Variants in DLGAP1 observed in about 807,000 individuals in gnomAD.
DLGAP1 encodes disks large-associated protein 1.
Under a neutral mutation model 90.8 loss-of-function variants are expected in DLGAP1, and 11 were observed. The observed-to-expected ratio is 0.12, with a 90% confidence interval of 0.08 to 0.20. The LOEUF (loss-of-function observed/expected upper bound fraction) is 0.20, where lower values mean the gene tolerates loss of function less well. Among genes scored for constraint, DLGAP1 ranks in the 10% least tolerant of loss-of-function variants. DLGAP1 has a pLI of 1.00. For missense variants in DLGAP1, 1,050 were observed against 1,333.8 expected (o/e 0.79, Z 3.31); for synonymous variants, 558 against 540.7 (o/e 1.03, Z -0.44).
intron 2 of DLGAP1, among the ~76,000 whole-genome samples, chr18:4,052,421 C>T (rs2075147994): frequency 6.6e-6 from 1 of 152,132 alleles, no homozygotes; most frequent in Non-Finnish European, 1.5e-5. Flanking sequence ...GGGGCTTGCA[C>T]CCTCTGAAAC....
At chr18:3,976,395 C>T (rs981940418) in intron 3 of DLGAP1, among the ~76,000 whole-genome samples, 9 of 151,616 alleles carry the variant, frequency 5.9e-5, no homozygotes, top group Admixed American at 2.0e-4. Context: ...TTATGTTATA[C>T]ATATTACCAT....
intron 2 of DLGAP1, among the ~76,000 whole-genome samples, chr18:4,120,207 T>C (rs535169518): frequency 1.3e-5 from 2 of 152,362 alleles, no homozygotes; most frequent in South Asian, 4.1e-4. Context: ...CTCCTAGTTG[T>C]TCAGACATTT....
At chr18:4,081,605 C>A (rs2075609486) in intron 2 of DLGAP1, among the ~76,000 whole-genome samples, 1 of 152,174 alleles carries the variant, frequency 6.6e-6, no homozygotes, top group Non-Finnish European at 1.5e-5. Flanking sequence ...ATAGTCCAGA[C>A]CTGCCAAAGA....
At chr18:4,246,528 A>G (rs1428862030) in intron 1 of DLGAP1, among the ~76,000 whole-genome samples, 2 of 152,200 alleles carry the variant, frequency 1.3e-5, no homozygotes, top group Non-Finnish European at 2.9e-5. Context: ...CATTGCAGTG[A>G]GGAGTCAGTT....
chr18:3,928,700 G>A (rs2072448203), intron 3 of DLGAP1, among the ~76,000 whole-genome samples: 2 of 152,110 alleles, frequency 1.3e-5, no homozygotes, highest in South Asian at 2.1e-4. Flanking sequence ...AAGAAAGCTG[G>A]TAAGTCATGG....
chr18:4,114,321 T>C (rs2076025339), intron 2 of DLGAP1, among the ~76,000 whole-genome samples: 1 of 152,074 alleles, frequency 6.6e-6, no homozygotes, highest in Non-Finnish European at 1.5e-5. Context: ...TTCACCTCCT[T>C]GGTTAGCTGT....
chr18:3,693,468 T>A (rs2060970534), intron 7 of DLGAP1, among the ~76,000 whole-genome samples: 1 of 152,224 alleles, frequency 6.6e-6, no homozygotes, highest in Non-Finnish European at 1.5e-5. Flanking sequence ...AAATGCAAAA[T>A]ATTTAATTAT....
rs1447719277 is a variant in DLGAP1, at chr18:3,583,180, A to ACCTTCCTT, written c.1592-933_1592-932insAAGGAAGG. On this transcript the variant is annotated intron_variant, in intron 7 of 12. Coordinates refer to ENST00000315677, the MANE Select transcript of DLGAP1 (RefSeq NM_004746.4). Reference sequence around the variant, plus strand: ...TACCTACCTACCTACCTACCTACCTACCTACCTTCCTTCCTTCCTTCCTTC... The same window carrying ACCTTCCTT: ...TACCTACCTACCTACCTACCTACCTACCTTCCTTCCTACCTTCCTTCCTTCCTTCCTTC... Among the ~76,000 whole-genome samples, 461 of 132,836 alleles carry ACCTTCCTT rather than the reference A, an allele frequency of 3.5e-3. 3 individuals are homozygous for ACCTTCCTT. The highest frequency in any genetic ancestry group is 0.014 in the African/African-American group (435 of 31,834). The allele number at this position is 132,836 out of a possible 152,430, so 87.1% of individuals were successfully genotyped here. A position where few individuals can be genotyped will look rare whatever the true frequency, so the allele number is the denominator to read the frequency against.
intron 3 of DLGAP1, among the ~76,000 whole-genome samples, chr18:3,991,163 A>G (rs937929716): frequency 4.6e-5 from 7 of 152,064 alleles, no homozygotes; most frequent in Non-Finnish European, 1.0e-4. Context: ...CTAATAAAGT[A>G]AATATTAATA....
At chr18:4,359,496 T>C (rs2081589032) in intron 1 of DLGAP1, among the ~76,000 whole-genome samples, 2 of 152,208 alleles carry the variant, frequency 1.3e-5, no homozygotes, top group African/African-American at 4.8e-5. Flanking sequence ...TCATCAAACT[T>C]ACAAGTACAC....
chr18:4,361,159 T>C (rs1473665805), intron 1 of DLGAP1, among the ~76,000 whole-genome samples: 1 of 152,152 alleles, frequency 6.6e-6, no homozygotes, highest in Non-Finnish European at 1.5e-5. Flanking sequence ...AAGAAATTAA[T>C]ATCTTAATAA....
intron 1 of DLGAP1, among the ~76,000 whole-genome samples, chr18:4,249,197 TG>T (rs1362924296): frequency 6.6e-6 from 1 of 152,188 alleles, no homozygotes; most frequent in Non-Finnish European, 1.5e-5. Flanking sequence ...TCCCTCCAGA[TG>T]TGAACTACAT....
At chr18:4,324,353 C>G (rs1270392279) in intron 1 of DLGAP1, among the ~76,000 whole-genome samples, 1 of 150,918 alleles carries the variant, frequency 6.6e-6, no homozygotes, top group African/African-American at 2.4e-5. Flanking sequence ...ATAATGAACT[C>G]TGAAATTGAA....
rs751229751 is a variant in DLGAP1, at chr18:3,688,651, ACACACACACACACAC to A, written c.1591+40469_1591+40483del. On this transcript the variant is annotated intron_variant, in intron 7 of 12. Coordinates refer to ENST00000315677, the MANE Select transcript of DLGAP1 (RefSeq NM_004746.4). ...CACACACACACACACACACACACAC[ACACACACACACACAC>A]ACCCTACCAAAAATAAGAAACAAAA... Among the ~76,000 whole-genome samples the A allele has an allele frequency of 3.5e-3, 494 of 141,904 alleles. 8 individuals are homozygous for A. Among genetic ancestry groups the A allele is most frequent in the African/African-American group, 0.013 (407 of 32,290 alleles). 93.1% of individuals were successfully genotyped at this position (141,904 alleles called of 152,430 possible).
intron 7 of DLGAP1, among the ~76,000 whole-genome samples, chr18:3,683,056 C>T (rs2060577394): frequency 6.6e-6 from 1 of 152,066 alleles, no homozygotes; most frequent in Non-Finnish European, 1.5e-5. Flanking sequence ...GGGGGTTTCA[C>T]CATGTTGGCC....
chr18:3,537,057 G>A (rs1320919165), intron 9 of DLGAP1, among the ~76,000 whole-genome samples: 2 of 151,578 alleles, frequency 1.3e-5, no homozygotes, highest in African/African-American at 4.9e-5. Context: ...GTCGCTTCCT[G>A]GCCTAATAGT....
In DLGAP1 at chr18:3,635,199, C is replaced by T. The variant is rs554247703; in HGVS notation, c.1592-52951G>A. On this transcript the variant is annotated intron_variant, in intron 7 of 12. Transcript: ENST00000315677. Reference sequence around the variant, plus strand: ...AGGCTGGAGTGCAGTGGCGGGATCTCGGCTCACTGCAAGCTCCGCCTCCCG... The same window carrying T: ...AGGCTGGAGTGCAGTGGCGGGATCTTGGCTCACTGCAAGCTCCGCCTCCCG... 9.0e-3 allele frequency among the ~76,000 whole-genome samples: 1,352 copies of T among 150,224 alleles called. 5 individuals are homozygous for T. Among genetic ancestry groups the T allele is most frequent in the Non-Finnish European group, 0.013 (908 of 67,788 alleles).
At chr18:4,179,170 A>G (rs1598557755) in intron 1 of DLGAP1, among the ~76,000 whole-genome samples, 1 of 152,280 alleles carries the variant, frequency 6.6e-6, no homozygotes, top group East Asian at 1.9e-4. Context: ...TATTTATTGG[A>G]TAAGTCTGTA....
chr18:4,371,698 C>T (rs2081920286), intron 1 of DLGAP1, among the ~76,000 whole-genome samples: 1 of 152,154 alleles, frequency 6.6e-6, no homozygotes, highest in Non-Finnish European at 1.5e-5. Flanking sequence ...GAAGATTTCA[C>T]ACAGAGAGTA....
Sources: gnomAD v4.1 joint callset for allele counts (sites outside exome capture counted in the v4.1 genomes callset) on GRCh38, gnomAD v4.1.1 for gene constraint, MANE v1.5 for transcripts, NCBI Gene and HGNC (gene_info 2026-07-23, HGNC 2026-07-21) for gene names.